ZCCHC14: variants seen among roughly 807,000 people sequenced by gnomAD.
ZCCHC14 encodes the protein zinc finger CCHC domain-containing protein 14.
A neutral mutation model predicts 85.0 loss-of-function variants in ZCCHC14; 16 were observed. That is an observed-to-expected ratio of 0.19 (90% CI 0.13 to 0.29). The LOEUF is 0.29. Among genes scored for constraint, ZCCHC14 ranks in the 10% least tolerant of loss-of-function variants. ZCCHC14 has a pLI of 1.00. For missense variants in ZCCHC14, 1,303 were observed against 1,443.5 expected (o/e 0.90, Z 1.58); for synonymous variants, 775 against 630.7 (o/e 1.23, Z -3.43).
At chr16:87,411,010 T>C (rs1000363239) in intron 12 of ZCCHC14, among the ~76,000 whole-genome samples, 1 of 152,166 alleles carries the variant, frequency 6.6e-6, no homozygotes, top group Admixed American at 6.5e-5. Context: ...CCACTGGGAT[T>C]TGACTAAAGG....
intron 1 of ZCCHC14, among the ~76,000 whole-genome samples, chr16:87,477,120 C>CAAAAAAAAAAAAAAAAAAAAAAA (rs769416913): frequency 2.5e-5 from 1 of 40,628 alleles, no homozygotes; most frequent in African/African-American, 1.4e-4. Context: ...GACTCAGTCT[C>CAAAAAAAAAAAAAAAAAAAAAAA]AAAAAAAAAA....
In ZCCHC14 at chr16:87,433,187, T is replaced by C. The variant is rs1909748369; in HGVS notation, c.709A>G (p.Ile237Val). 6.2e-7 allele frequency: 1 copy of C among 1,614,136 alleles called. No homozygotes were observed. The highest frequency in any genetic ancestry group is 8.5e-7 in the Non-Finnish European group (1 of 1,179,996). ...GKHSKVSVEK[I>V]DLKGLSHTKN... ...GTGTGTGATAATCCCTTCAGGTCTA[T>C]CTTTTCAACACTCACTGTAAAAGTA... The change falls in exon 3 of 13, where the codon ATA becomes GTA. Residue 237 changes from isoleucine (I) to valine (V), a missense_variant. By Grantham distance (29) the Ile-to-Val change is conservative. Around this residue, in one of 7 missense-constraint regions of ZCCHC14, gnomAD observed 389 missense variants for 397.8 expected, o/e 0.98. Transcript: ENST00000671377.
rs148530840 is a variant in ZCCHC14 at position 87,429,075 on chromosome 16, G to A, written c.768+4053C>T. Among the ~76,000 whole-genome samples, 389 of 152,304 alleles carry A rather than the reference G, an allele frequency of 2.6e-3. 5 individuals carry two copies. Among genetic ancestry groups the A allele is most frequent in the Admixed American group, 0.024 (361 of 15,290 alleles). ...TTCCCCCAGGGTAAATACCTAGGCT[G>A]GAACTTACGGGTCATACTTTTTAAG... On this transcript the variant is annotated intron_variant, in intron 3 of 12. Transcript: ENST00000671377.
At chr16:87,461,905 C>T (rs944547780) in intron 1 of ZCCHC14, among the ~76,000 whole-genome samples, 2 of 152,184 alleles carry the variant, frequency 1.3e-5, no homozygotes, top group African/African-American at 4.8e-5. Context: ...AGATCCCACG[C>T]GGCTCAACAG....
intron 1 of ZCCHC14, among the ~76,000 whole-genome samples, chr16:87,469,716 G>T (rs562141594): frequency 6.6e-6 from 1 of 152,272 alleles, no homozygotes; most frequent in East Asian, 1.9e-4. Context: ...ACAGAGACTC[G>T]GAGCTCTGGG....
chr16:87,469,358 C>T (rs1911675392), intron 1 of ZCCHC14, among the ~76,000 whole-genome samples: 1 of 152,238 alleles, frequency 6.6e-6, no homozygotes, highest in East Asian at 1.9e-4. Context: ...TTCCTAAATG[C>T]CTTCCCCAAG....
At chr16:87,413,824 G>T (rs1486633540) in intron 10 of ZCCHC14, among the ~76,000 whole-genome samples, 1 of 140,842 alleles carries the variant, frequency 7.1e-6, no homozygotes, top group Admixed American at 7.1e-5. Context: ...TGGGGTGGGG[G>T]GTGGGCGCAG....
At chr16:87,467,551 T>C (rs1354533152) in intron 1 of ZCCHC14, 9 of 1,581,426 alleles carry the variant, frequency 5.7e-6, no homozygotes, top group Non-Finnish European at 6.1e-6. Flanking sequence ...ATTTTTAATG[T>C]CATCCCACCA....
rs778406172 is a variant in ZCCHC14 at position 87,491,741 on chromosome 16, G to A, written c.498C>T (p.Gly166=). 2.5e-6 allele frequency: 4 copies of A among 1,576,156 alleles called. No individual in the cohort carries two copies. The highest frequency in any genetic ancestry group is 2.4e-5 in the East Asian group (1 of 40,860). ...ELTQIQSSLN[G]GGGHGGKGAP... Reference sequence around the variant, plus strand: ...CGCCCTTGCCGCCGTGGCCCCCGCCGCCGTTCAGGCTGCTCTGGATCTGCG... The same window carrying A: ...CGCCCTTGCCGCCGTGGCCCCCGCCACCGTTCAGGCTGCTCTGGATCTGCG... The change falls in exon 1 of 13, where the codon GGC becomes GGT. Residue 166 remains glycine (G), a synonymous_variant. Coordinates refer to ENST00000671377, the MANE Select transcript of ZCCHC14 (RefSeq NM_015144.3). This position sits in a 1 kb window ranked among gnomAD's most constrained non-coding sequence, Gnocchi z 5.9.
intron 2 of ZCCHC14, among the ~76,000 whole-genome samples, chr16:87,458,066 C>A (rs971066737): frequency 8.2e-5 from 12 of 147,164 alleles, no homozygotes; most frequent in African/African-American, 3.0e-4. Context: ...GCAGACGAGA[C>A]AATGACAGAT....
At chr16:87,467,325 A>G (rs117054105) in intron 1 of ZCCHC14, 46,352 of 1,588,590 alleles carry the variant, frequency 0.029, 940 homozygotes, top group Middle Eastern at 0.084. Context: ...GCCCCAAGCG[A>G]AAACAGAAAA....
At chr16:87,486,291 G>C (rs1323972530) in intron 1 of ZCCHC14, among the ~76,000 whole-genome samples, 1 of 151,824 alleles carries the variant, frequency 6.6e-6, no homozygotes, top group Admixed American at 6.6e-5. Flanking sequence ...ACCACTGACA[G>C]ACCACACGGA....
intron 1 of ZCCHC14, among the ~76,000 whole-genome samples, chr16:87,482,031 C>T (rs8045766): frequency 6.6e-6 from 1 of 151,912 alleles, no homozygotes; most frequent in Non-Finnish European, 1.5e-5. Context: ...AACCACTCTC[C>T]GGTGACAAGG....
At chr16:87,472,142 A>G (rs1207680426) in intron 1 of ZCCHC14, 1 of 152,254 alleles carries the variant, frequency 6.6e-6, no homozygotes, top group Non-Finnish European at 1.5e-5. Flanking sequence ...GGAGGAGTAA[A>G]CATAATAGTG....
intron 1 of ZCCHC14, among the ~76,000 whole-genome samples, chr16:87,481,726 C>A (rs1912290240): frequency 6.6e-6 from 1 of 152,082 alleles, no homozygotes. Flanking sequence ...AAGGGCATCT[C>A]TATGACAGGC....
chr16:87,465,666 G>A (rs979646488), intron 1 of ZCCHC14, among the ~76,000 whole-genome samples: 8 of 152,134 alleles, frequency 5.3e-5, no homozygotes, highest in Non-Finnish European at 7.3e-5. Flanking sequence ...AAATGCCTCC[G>A]GATCTGGCTG....
chr16:87,414,603 G>C (rs1908684641), intron 9 of ZCCHC14, 62 bp from the exon 10 acceptor site: 1 of 1,543,896 alleles, frequency 6.5e-7, no homozygotes, highest in South Asian at 1.2e-5. Flanking sequence ...CTCACATGCG[G>C]CTTCAAGACG....
At chr16:87,478,615 T>TC (rs964037403) in intron 1 of ZCCHC14, among the ~76,000 whole-genome samples, 1 of 151,592 alleles carries the variant, frequency 6.6e-6, no homozygotes, top group African/African-American at 2.4e-5. Flanking sequence ...TTTACTAATT[T>TC]TTTTTTTTTT....
chr16:87,453,477 G>A (rs934430884), intron 2 of ZCCHC14, among the ~76,000 whole-genome samples: 1 of 152,234 alleles, frequency 6.6e-6, no homozygotes, highest in African/African-American at 2.4e-5. Flanking sequence ...TGGGAAGAGG[G>A]GATAGGGCTG....
Sources: gnomAD v4.1 joint callset for allele counts (sites outside exome capture counted in the v4.1 genomes callset) on GRCh38, gnomAD v4.1.1 for gene constraint, gnomAD v4.1.1 regional missense constraint, Gnocchi (gnomAD v3.1) non-coding constraint, MANE v1.5 for transcripts, NCBI Gene and HGNC (gene_info 2026-07-23, HGNC 2026-07-21) for gene names.